Variants in ATG7 observed in about 807,000 individuals in gnomAD.
The protein encoded by ATG7 is autophagy related 7.
A neutral mutation model predicts 82.4 loss-of-function variants in ATG7; 70 were observed. The ratio of observed to expected loss-of-function variants is 0.85; its 90% CI spans 0.70 to 1.04. The LOEUF is 1.04. Among genes scored for constraint, ATG7 ranks in the 50% least tolerant of loss-of-function variants. The pLI, the probability that ATG7 is intolerant of heterozygous loss-of-function variation, is 0.00. For synonymous variants in ATG7, 287 were observed against 313.0 expected, an observed-to-expected ratio of 0.92 and a Z score of 0.88; for missense variants, 792 against 864.3, an observed-to-expected ratio of 0.92 and a Z score of 1.05.
At chr3:11,427,830 A>C (rs1362451156) in intron 20 of ATG7, among the ~76,000 whole-genome samples, 3 of 151,548 alleles carry the variant, frequency 2.0e-5, no homozygotes, top group African/African-American at 7.3e-5. Flanking sequence ...AAAAAAAAAA[A>C]ATTATTGTGT....
chr3:11,361,295 T>TA (rs2076267622), intron 16 of ATG7, among the ~76,000 whole-genome samples: 1 of 151,950 alleles, frequency 6.6e-6, no homozygotes, highest in Non-Finnish European at 1.5e-5. Context: ...TCTTTTTTTT[T>TA]TTTTTTTGAG....
the ATG7 span, among the ~76,000 whole-genome samples, chr3:11,563,141 C>T: frequency 1.3e-5 from 2 of 152,314 alleles, no homozygotes; most frequent in African/African-American, 4.8e-5. Flanking sequence ...CCCACCCTGA[C>T]CATGTGGGCA....
chr3:11,406,297 A>AGC (rs1675666076), intron 19 of ATG7, among the ~76,000 whole-genome samples: 1 of 151,694 alleles, frequency 6.6e-6, no homozygotes, highest in Non-Finnish European at 1.5e-5. Flanking sequence ...GCCCATATGT[A>AGC]GCATTTCTAT....
At position 11,325,540 on chromosome 3, in the gene ATG7, G is replaced by A. The variant is rs370730698; in HGVS notation, c.679-5800G>A. 2.4e-4 allele frequency among the ~76,000 whole-genome samples: 36 copies of A among 152,002 alleles called. 2 individuals are homozygous for A. Among genetic ancestry groups the A allele is most frequent in the African/African-American group, 6.3e-4 (26 of 41,370 alleles). On this transcript the variant is annotated intron_variant, in intron 9 of 20. Transcript: ENST00000693202. ...TACAAAATTAGCCGGGTGTGGTGGC[G>A]CATGCCTGTAATCCCAGCTACTCGG...
At chr3:11,470,646 G>A (rs1472503445) in intron 20 of ATG7, among the ~76,000 whole-genome samples, 1 of 152,182 alleles carries the variant, frequency 6.6e-6, no homozygotes, top group Non-Finnish European at 1.5e-5. Flanking sequence ...AGATGGGGAA[G>A]TTGAGGCTCA....
chr3:11,304,784 A>C (rs554156818), intron 5 of ATG7: 17 of 152,336 alleles, frequency 1.1e-4, no homozygotes, highest in Admixed American at 2.0e-4. Context: ...CATTATCGCA[A>C]GTTCACTATT....
At chr3:11,468,557 C>T (rs753665711) in intron 20 of ATG7, among the ~76,000 whole-genome samples, 1 of 152,198 alleles carries the variant, frequency 6.6e-6, no homozygotes, top group Non-Finnish European at 1.5e-5. Flanking sequence ...GATTTCACAT[C>T]ATTCATTAGC....
intron 20 of ATG7, among the ~76,000 whole-genome samples, chr3:11,491,523 G>A (rs1197862532): frequency 3.3e-5 from 5 of 152,176 alleles, no homozygotes; most frequent in East Asian, 1.9e-4. Flanking sequence ...GAGGAGCTGC[G>A]TTCCTTTGGA....
At chr3:11,415,231 C>T (rs567543222) in intron 19 of ATG7, among the ~76,000 whole-genome samples, 10 of 152,218 alleles carry the variant, frequency 6.6e-5, no homozygotes, top group African/African-American at 2.2e-4. Flanking sequence ...TAAAATGGTA[C>T]ACCTGTGCAG....
chr3:11,513,783 G>A (rs910220512), intron 20 of ATG7, among the ~76,000 whole-genome samples: 2 of 152,240 alleles, frequency 1.3e-5, no homozygotes, highest in African/African-American at 4.8e-5. Flanking sequence ...GGCTGCGAGG[G>A]CTGCCAGCAT....
At chr3:11,501,978 G>A (rs1274822813) in intron 20 of ATG7, among the ~76,000 whole-genome samples, 2 of 151,744 alleles carry the variant, frequency 1.3e-5, no homozygotes, top group Non-Finnish European at 2.9e-5. Flanking sequence ...CGTGATCCTG[G>A]GTTTACTTTT....
At chr3:11,395,959 A>T (rs1388105668) in intron 19 of ATG7, among the ~76,000 whole-genome samples, 3 of 121,866 alleles carry the variant, frequency 2.5e-5, no homozygotes, top group Non-Finnish European at 5.0e-5. Flanking sequence ...AAAAAAAAAA[A>T]AAAAAAGGTA....
chr3:11,419,665 G>A (rs2081754554), intron 19 of ATG7, among the ~76,000 whole-genome samples: 1 of 152,204 alleles, frequency 6.6e-6, no homozygotes, highest in South Asian at 2.1e-4. Flanking sequence ...ATTTTCCAGA[G>A]AGTTGCCGAA....
chr3:11,510,599 A>G (rs1335669753), intron 20 of ATG7, among the ~76,000 whole-genome samples: 1 of 152,156 alleles, frequency 6.6e-6, no homozygotes, highest in Non-Finnish European at 1.5e-5. Flanking sequence ...CAGTAAAAGC[A>G]GGCTGTCAGC....
intron 6 of ATG7, among the ~76,000 whole-genome samples, chr3:11,308,154 A>G (rs1190638697): frequency 2.6e-5 from 4 of 152,192 alleles, no homozygotes; most frequent in African/African-American, 9.7e-5. Context: ...CCAGTATGTC[A>G]GTAGCAGGAA....
Position 11,396,792 on chromosome 3 carries a change from A to AG in ATG7, c.1956+16740_1956+16741insG, listed in dbSNP as rs1424175554. On this transcript the variant is annotated intron_variant, in intron 19 of 20. Coordinates refer to ENST00000693202, the MANE Select transcript of ATG7 (RefSeq NM_001349232.2). ...GCAAGACTCTGTCTCCAAAAAAAAA[A>AG]AAAAAGAAAAGAAAAGAAAAGTATT... Among the ~76,000 whole-genome samples, 28 of 145,524 alleles carry AG rather than the reference A, an allele frequency of 1.9e-4. No homozygotes were observed. The South Asian group carries it at 2.7e-3, about 14-fold the overall frequency.
chr3:11,400,701 T>C (rs1222585355), intron 19 of ATG7, among the ~76,000 whole-genome samples: 4 of 152,078 alleles, frequency 2.6e-5, no homozygotes, highest in Non-Finnish European at 5.9e-5. Flanking sequence ...GCCATGCAGA[T>C]TGGAGAGAGA....
intron 20 of ATG7, among the ~76,000 whole-genome samples, chr3:11,479,764 C>G (rs2088702496): frequency 6.6e-6 from 1 of 151,962 alleles, no homozygotes; most frequent in Non-Finnish European, 1.5e-5. Flanking sequence ...ATGCATTGTC[C>G]CTCGGTTGGT....
chr3:11,497,393 T>TATATATATATATATATATATATATA (rs1553698223), intron 20 of ATG7, among the ~76,000 whole-genome samples: 3 of 47,440 alleles, frequency 6.3e-5, no homozygotes, highest in Non-Finnish European at 1.3e-4. Context: ...ATATATATAT[T>TATATATATATATATATATATATATA]TAGCCAGGCA....
Sources: gnomAD v4.1 joint callset for allele counts (sites outside exome capture counted in the v4.1 genomes callset) on GRCh38, gnomAD v4.1.1 for gene constraint, MANE v1.5 for transcripts, NCBI Gene and HGNC (gene_info 2026-07-23, HGNC 2026-07-21) for gene names.